Variants in CNKSR3 observed in about 807,000 individuals in gnomAD.
The protein encoded by CNKSR3 is CNKSR family member 3, also known as connector enhancer of kinase suppressor of ras 3.
CNKSR3 carries 36 observed loss-of-function variants against 67.7 expected under a neutral mutation model. The ratio of observed to expected loss-of-function variants is 0.53; its 90% CI spans 0.41 to 0.70. CNKSR3 has a LOEUF of 0.70. CNKSR3 is among the 30% of genes least tolerant of loss of function. The probability of loss-of-function intolerance (pLI) is 0.00; values close to 1 mark genes in which losing one functional copy is unlikely to be tolerated. For missense variants in CNKSR3, 630 were observed against 695.2 expected (o/e 0.91, Z 1.05); for synonymous variants, 281 against 271.4 (o/e 1.04, Z -0.35).
rs560340839 is a variant in CNKSR3, at chr6:154,458,586, G to A, written c.53-8328C>T. 2.7e-4 allele frequency among the ~76,000 whole-genome samples: 41 copies of A among 151,946 alleles called. No individual in the cohort carries two copies. In the South Asian group the frequency reaches 3.5e-3, roughly 13 times the overall value. ...TATCACCCCCAAAAAAAGTTCCCTC[G>A]GGCCCCTTTGCTGCCTACTCCCTCC... On this transcript the variant is annotated intron_variant, in intron 1 of 12. Transcript: ENST00000607772.
Position 154,392,600 on chromosome 6 carries a change from A to C in CNKSR3, c.*13754T>G, listed in dbSNP as rs536215407. The C allele has an allele frequency of 6.6e-6, 1 of 152,266 alleles. No individual in the cohort carries two copies. Among genetic ancestry groups the C allele is most frequent in the Non-Finnish European group, 1.5e-5 (1 of 68,052 alleles). The allele number at this position is 152,266 out of a possible 1,614,324, so 9.4% of individuals were successfully genotyped here. A position where few individuals can be genotyped will look rare whatever the true frequency, so the allele number is the denominator to read the frequency against. ...AAACCTTGTGGGGATTGTAAGCTCTATGATGAAGGAGGCACCAGCCTCTCT... is the reference window on the plus strand; with the variant it reads ...AAACCTTGTGGGGATTGTAAGCTCTCTGATGAAGGAGGCACCAGCCTCTCT... On this transcript the variant is annotated 3_prime_UTR_variant, in exon 13 of 13. Coordinates refer to ENST00000607772, the MANE Select transcript of CNKSR3 (RefSeq NM_173515.4).
Position 154,468,214 on chromosome 6 carries a change from G to C in CNKSR3, c.53-17956C>G, listed in dbSNP as rs1003546986. On this transcript the variant is annotated intron_variant, in intron 1 of 12. Transcript: ENST00000607772. ...GCCTCAGCCTCCTCCCAAGCAGCCA[G>C]GATTATAAGCAGGCACCACCACACC... Among the ~76,000 whole-genome samples the C allele has an allele frequency of 1.1e-4, 17 of 151,196 alleles. No homozygotes were observed. The East Asian group carries it at 3.3e-3, about 29-fold the overall frequency.
chr6:154,444,759 C>A (rs1465040758), intron 2 of CNKSR3, among the ~76,000 whole-genome samples: 2 of 152,076 alleles, frequency 1.3e-5, no homozygotes, highest in African/African-American at 4.8e-5. Flanking sequence ...GCAAGTGCCA[C>A]CATGCTCAGT....
In CNKSR3 at chr6:154,396,588, C is replaced by T. The variant is rs1434350075; in HGVS notation, c.*9766G>A. ...AGAAAGGCTCACAATTCAAGCTGGT[C>T]TAACACGATGAGTCAATGCTATGGA... On this transcript the variant is annotated 3_prime_UTR_variant, in exon 13 of 13. Coordinates refer to ENST00000607772, the MANE Select transcript of CNKSR3 (RefSeq NM_173515.4). The T allele has an allele frequency of 6.6e-6, 1 of 152,086 alleles. No individual in the cohort carries two copies. The highest frequency in any genetic ancestry group is 2.4e-5 in the African/African-American group (1 of 41,394). The allele number at this position is 152,086 out of a possible 1,614,324, so 9.4% of individuals were successfully genotyped here.
intron 9 of CNKSR3, among the ~76,000 whole-genome samples, chr6:154,420,936 G>A (rs1785131654): frequency 6.6e-6 from 1 of 152,032 alleles, no homozygotes; most frequent in South Asian, 2.1e-4. Flanking sequence ...AATATGTTTG[G>A]TCATTATTTA....
intron 1 of CNKSR3, among the ~76,000 whole-genome samples, chr6:154,473,443 A>G (rs961509068): frequency 6.6e-6 from 1 of 152,174 alleles, no homozygotes; most frequent in Non-Finnish European, 1.5e-5. Flanking sequence ...AGTGACCTGG[A>G]AAGTGGTTGA....
intron 1 of CNKSR3, among the ~76,000 whole-genome samples, chr6:154,461,737 T>C (rs1445044650): frequency 6.6e-6 from 1 of 152,168 alleles, no homozygotes; most frequent in East Asian, 1.9e-4. Context: ...ATTTAAAAAA[T>C]AAAAGAAACT....
chr6:154,455,997 C>CA (rs113572306), intron 1 of CNKSR3, among the ~76,000 whole-genome samples: 5,431 of 146,808 alleles, frequency 0.037, 257 homozygotes, highest in African/African-American at 0.11. Context: ...TGCCCCAATG[C>CA]AAAAAAAAAC....
intron 9 of CNKSR3, among the ~76,000 whole-genome samples, chr6:154,416,749 T>C (rs557657005): frequency 3.9e-5 from 6 of 152,320 alleles, no homozygotes; most frequent in Non-Finnish European, 5.9e-5. Context: ...GGACTAAGTC[T>C]GCAGAGTATT....
intron 1 of CNKSR3, among the ~76,000 whole-genome samples, chr6:154,457,070 C>T (rs1194393058): frequency 6.6e-6 from 1 of 152,176 alleles, no homozygotes; most frequent in African/African-American, 2.4e-5. Context: ...GCCTTCCCGA[C>T]TTACTGACAC....
chr6:154,488,847 T>C (rs1041600547), intron 1 of CNKSR3, among the ~76,000 whole-genome samples: 1 of 152,238 alleles, frequency 6.6e-6, no homozygotes, highest in African/African-American at 2.4e-5. Flanking sequence ...ACTTAAAATG[T>C]ACCTTGTTAA....
chr6:154,503,982 C>T (rs1538340), intron 1 of CNKSR3, among the ~76,000 whole-genome samples: 49,705 of 152,048 alleles, frequency 0.33, 8,327 homozygotes, highest in Middle Eastern at 0.41. Context: ...GTGCACGAAT[C>T]GCCAGGGGAT....
At chr6:154,477,884 C>G (rs1786485568) in intron 1 of CNKSR3, among the ~76,000 whole-genome samples, 1 of 152,216 alleles carries the variant, frequency 6.6e-6, no homozygotes, top group African/African-American at 2.4e-5. Flanking sequence ...ATCCTCCCAT[C>G]ATTCACTACA....
At position 154,495,131 on chromosome 6, in the gene CNKSR3, G is replaced by C. The variant is rs557603082; in HGVS notation, c.52+14932C>G. The stretch of plus-strand genomic sequence containing the variant: ...ACACTGCCCTATTCTAACACATTTC[G>C]CGTGCCAGGCTGCATGATATTTGCA... On this transcript the variant is annotated intron_variant, in intron 1 of 12. Transcript: ENST00000607772. 3.8e-4 allele frequency among the ~76,000 whole-genome samples: 58 copies of C among 152,168 alleles called. 1 individual carries two copies. The highest frequency in any genetic ancestry group is 1.3e-3 in the African/African-American group (56 of 41,534).
At chr6:154,415,228 A>ATTTTTTTTTTTTTGTTTTTTT (rs1784998958) in intron 9 of CNKSR3, among the ~76,000 whole-genome samples, 1 of 118,106 alleles carries the variant, frequency 8.5e-6, no homozygotes, top group African/African-American at 3.3e-5. Context: ...CTAGCTGCCC[A>ATTTTTTTTTTTTTGTTTTTTT]TTTTTTTTTT....
At chr6:154,488,190 AGAT>A (rs1045905163) in intron 1 of CNKSR3, among the ~76,000 whole-genome samples, 8 of 152,202 alleles carry the variant, frequency 5.3e-5, no homozygotes, top group Non-Finnish European at 5.9e-5. Flanking sequence ...TTACCACCAA[AGAT>A]GATAATTACC....
Position 154,414,305 on chromosome 6 carries a change from G to C in CNKSR3, c.1064C>G (p.Ser355Cys), listed in dbSNP as rs916799475. 2.5e-6 allele frequency: 4 copies of C among 1,597,526 alleles called. No homozygotes were observed. The highest frequency in any genetic ancestry group is 1.1e-5 in the South Asian group (1 of 87,418). Residue 355 changes from serine to cysteine, a missense_variant, in exon 10 of 13, where the codon TCT becomes TGT. Physicochemically the swap from Ser to Cys is moderately radical, Grantham distance 112. Transcript: ENST00000607772. Reference sequence around the variant, plus strand: ...ACAATGGACAGCAACATACCGGGGAGAGTAGGGAACAGCAGGCGGAGGAGG... The same window carrying C: ...ACAATGGACAGCAACATACCGGGGACAGTAGGGAACAGCAGGCGGAGGAGG... ...YIPPPPAVPY[S>C]PRDENGSFVY... is the part of the protein sequence containing the mutation.
intron 10 of CNKSR3, among the ~76,000 whole-genome samples, chr6:154,412,210 A>G (rs916045912): frequency 2.0e-5 from 3 of 152,188 alleles, no homozygotes; most frequent in South Asian, 2.1e-4. Flanking sequence ...ACCCACAAAT[A>G]TATCTCCTTC....
chr6:154,462,315 C>G (rs545408944), intron 1 of CNKSR3, among the ~76,000 whole-genome samples: 1 of 150,924 alleles, frequency 6.6e-6, no homozygotes, highest in South Asian at 2.1e-4. Context: ...GTCTGACCCT[C>G]AACCCTAAGC....
Sources: gnomAD v4.1 joint callset for allele counts (sites outside exome capture counted in the v4.1 genomes callset) on GRCh38, gnomAD v4.1.1 for gene constraint, MANE v1.5 for transcripts, NCBI Gene and HGNC (gene_info 2026-07-23, HGNC 2026-07-21) for gene names.